The following MTNR1A variants were observed in gnomAD, a reference collection of about 807,000 sequenced individuals.
MTNR1A encodes melatonin receptor type 1A.
In MTNR1A, 7 loss-of-function variants were observed where a neutral mutation model predicts 5.5. The ratio of observed to expected loss-of-function variants is 1.28; its 90% confidence interval spans 0.73 to 2.40. MTNR1A has a LOEUF of 2.40. MTNR1A is among the 30% of genes most tolerant of loss of function. MTNR1A has a pLI of 0.00. For synonymous variants in MTNR1A, 196 were observed against 202.7 expected (o/e 0.97, Z 0.28); for missense variants, 441 against 464.4 (o/e 0.95, Z 0.46).
In MTNR1A at chr4:186,555,347, C is replaced by A. The variant is rs1204394455; in HGVS notation, c.19G>T (p.Ala7Ser). ...ACGGGCTGGGAGGCGTTGGGCAGCG[C>A]GCTGCCGTTGCCCTGCATGGTCCCT... MQGNGSALPNASQPVLR... is the reference protein window; with the variant it reads MQGNGSSLPNASQPVLR... The change falls in exon 1 of 2, where the codon GCG becomes TCG. Residue 7 changes from alanine to serine, a missense_variant. Coordinates refer to ENST00000307161, the MANE Select transcript of MTNR1A (RefSeq NM_005958.4). This position sits in a 1 kb window ranked among gnomAD's most constrained non-coding sequence, Gnocchi z 4.1. The A allele has an allele frequency of 6.5e-7, 1 of 1,541,160 alleles. No individual in the cohort carries two copies. The highest frequency in any genetic ancestry group is 2.0e-5 in the Admixed American group (1 of 50,534).
At position 186,552,045 on chromosome 4, in the gene MTNR1A, C is replaced by T. The variant is rs146732005; in HGVS notation, c.184+3137G>A. ...TAGAACACACCACTCATGATGACAT[C>T]TCTCGCTGATGAATCAGGTGATGAT... On this transcript the variant is annotated intron_variant, in intron 1 of 1. Coordinates refer to ENST00000307161, the MANE Select transcript of MTNR1A (RefSeq NM_005958.4). Among the ~76,000 whole-genome samples, 55 of 152,310 alleles carry T rather than the reference C, an allele frequency of 3.6e-4. 1 individual carries two copies. In the East Asian group the frequency reaches 9.3e-3, roughly 26 times the overall value.
At chr4:186,538,206 C>T (rs1736918987) in intron 1 of MTNR1A, among the ~76,000 whole-genome samples, 3 of 152,198 alleles carry the variant, frequency 2.0e-5, no homozygotes. Flanking sequence ...GAGGACACTG[C>T]CTGTCTTAGA....
At chr4:186,536,043 T>C (rs1736841085) in intron 1 of MTNR1A, among the ~76,000 whole-genome samples, 1 of 151,998 alleles carries the variant, frequency 6.6e-6, no homozygotes, top group African/African-American at 2.4e-5. Flanking sequence ...ACAGGAAAAG[T>C]CAAAAAGATT....
Position 186,544,800 on chromosome 4 carries a change from A to C in MTNR1A, c.185-10243T>G, listed in dbSNP as rs192679476. Among the ~76,000 whole-genome samples, 34 of 152,212 alleles carry C rather than the reference A, an allele frequency of 2.2e-4. No homozygotes were observed. In the East Asian group the frequency reaches 5.2e-3, roughly 23 times the overall value. On this transcript the variant is annotated intron_variant, in intron 1 of 1. Coordinates refer to ENST00000307161, the MANE Select transcript of MTNR1A (RefSeq NM_005958.4). ...CTTCTGCTCATCCTCTGTCTTTCAG[A>C]GGTGTTGTCGTAGACGCTGCTGGCG...
intron 1 of MTNR1A, among the ~76,000 whole-genome samples, chr4:186,552,493 A>C (rs1560899115): frequency 6.6e-6 from 1 of 152,258 alleles, no homozygotes; most frequent in East Asian, 1.9e-4. Context: ...TATAATGTAC[A>C]TATAGAAAAA....
intron 1 of MTNR1A, among the ~76,000 whole-genome samples, chr4:186,547,645 C>T (rs73024713): frequency 0.012 from 1,794 of 152,320 alleles, 33 homozygotes; most frequent in African/African-American, 0.04. Context: ...TAGTTCCCCA[C>T]CTGTTCTCTA....
At chr4:186,547,525 G>A (rs111289735) in intron 1 of MTNR1A, among the ~76,000 whole-genome samples, 2,425 of 152,140 alleles carry the variant, frequency 0.016, 68 homozygotes, top group African/African-American at 0.055. Flanking sequence ...CATGGTACTC[G>A]CGGTTGTCTG....
intron 1 of MTNR1A, among the ~76,000 whole-genome samples, chr4:186,545,610 A>C (rs546429835): frequency 3.3e-5 from 5 of 152,298 alleles, no homozygotes; most frequent in African/African-American, 1.2e-4. Context: ...GGTTTTTCCC[A>C]GCAGGTCAAT....
intron 1 of MTNR1A, among the ~76,000 whole-genome samples, chr4:186,535,448 G>A (rs1736823834): frequency 6.6e-6 from 1 of 150,846 alleles, no homozygotes; most frequent in African/African-American, 2.4e-5. Context: ...GTCTTGTTCT[G>A]TCACCCAGTC....
At chr4:186,535,117 T>C (rs1406945589) in intron 1 of MTNR1A, among the ~76,000 whole-genome samples, 2 of 152,118 alleles carry the variant, frequency 1.3e-5, no homozygotes, top group Non-Finnish European at 2.9e-5. Context: ...TTACTTGATC[T>C]CCCCAAGCAC....
intron 1 of MTNR1A, among the ~76,000 whole-genome samples, chr4:186,545,801 G>A (rs1028336510): frequency 1.3e-5 from 2 of 152,136 alleles, no homozygotes; most frequent in Non-Finnish European, 2.9e-5. Context: ...AAAATTGCAC[G>A]TGCATACATG....
chr4:186,546,028 G>T (rs1737130825), intron 1 of MTNR1A, among the ~76,000 whole-genome samples: 1 of 152,198 alleles, frequency 6.6e-6, no homozygotes, highest in Non-Finnish European at 1.5e-5. Context: ...GCCGGATTCA[G>T]ATCCCAGCCA....
At position 186,536,825 on chromosome 4, in the gene MTNR1A, C is replaced by A. The variant is rs183405239; in HGVS notation, c.185-2268G>T. 8.5e-5 allele frequency among the ~76,000 whole-genome samples: 13 copies of A among 152,220 alleles called. No homozygotes were observed. The East Asian group carries it at 9.6e-4, about 11-fold the overall frequency. ...TTTCCCACAGATCACTTTCAATTAG[C>A]GTTGAAACATTTAAATTCCTAAGAG... On this transcript the variant is annotated intron_variant, in intron 1 of 1. Coordinates refer to ENST00000307161, the MANE Select transcript of MTNR1A (RefSeq NM_005958.4).
chr4:186,535,497 C>T (rs992881147), intron 1 of MTNR1A, among the ~76,000 whole-genome samples: 14 of 152,176 alleles, frequency 9.2e-5, no homozygotes, highest in South Asian at 4.1e-4. Flanking sequence ...CTGCAACCTC[C>T]GCCTGCAGGG....
At chr4:186,537,365 A>G (rs189902608) in intron 1 of MTNR1A, among the ~76,000 whole-genome samples, 22 of 152,336 alleles carry the variant, frequency 1.4e-4, no homozygotes, top group African/African-American at 4.8e-4. Context: ...TATACACATT[A>G]TAAGTTCATC....
At chr4:186,539,362 T>G (rs1332468733) in intron 1 of MTNR1A, among the ~76,000 whole-genome samples, 1 of 152,006 alleles carries the variant, frequency 6.6e-6, no homozygotes, top group Non-Finnish European at 1.5e-5. Flanking sequence ...ATTTCCTGAG[T>G]GACTCAAAAA....
At chr4:186,534,690 A>G in intron 1 of MTNR1A, 133 bp from the exon 2 acceptor site, 1 of 1,029,558 alleles carries the variant, frequency 9.7e-7, no homozygotes, top group Non-Finnish European at 1.4e-6. Flanking sequence ...CTGCAAATGA[A>G]GTGGAGGCCG....
chr4:186,534,825 C>T (rs1297087501), intron 1 of MTNR1A, among the ~76,000 whole-genome samples: 1 of 152,198 alleles, frequency 6.6e-6, no homozygotes, highest in African/African-American at 2.4e-5. Flanking sequence ...CGTTCGGCTT[C>T]TCATCTCTTA....
At position 186,533,997 on chromosome 4, in the gene MTNR1A, T is replaced by C; in HGVS notation, c.745A>G (p.Ile249Val). The C allele has an allele frequency of 6.2e-7, 1 of 1,614,020 alleles. No individual in the cohort carries two copies. Among genetic ancestry groups the C allele is most frequent in the Non-Finnish European group, 8.5e-7 (1 of 1,180,014 alleles). The change falls in exon 2 of 2, where the codon ATT becomes GTT. Residue 249 changes from isoleucine (I) to valine (V), a missense_variant. Coordinates refer to ENST00000307161, the MANE Select transcript of MTNR1A (RefSeq NM_005958.4). Reference sequence around the variant, plus strand: ...ATGAAGTTCAGAGGAGCCCAGCAAATGGCAAAAAGGACAAAAACCACAAAC... The same window carrying C: ...ATGAAGTTCAGAGGAGCCCAGCAAACGGCAAAAAGGACAAAAACCACAAAC... ...TMFVVFVLFA[I>V]CWAPLNFIGL...
Sources: gnomAD v4.1 joint callset for allele counts (sites outside exome capture counted in the v4.1 genomes callset) on GRCh38, gnomAD v4.1.1 for gene constraint, Gnocchi (gnomAD v3.1) non-coding constraint, MANE v1.5 for transcripts, NCBI Gene and HGNC (gene_info 2026-07-23, HGNC 2026-07-21) for gene names.